The following PTPRM variants were observed in gnomAD, a reference collection of about 807,000 sequenced individuals.
PTPRM encodes the protein protein tyrosine phosphatase receptor type M.
PTPRM carries 47 observed loss-of-function variants against 186.7 expected under a neutral mutation model. That is an observed-to-expected ratio of 0.25 (90% CI 0.20 to 0.32). PTPRM has a LOEUF of 0.32. Among genes scored for constraint, PTPRM ranks in the 10% least tolerant of loss-of-function variants. The probability of loss-of-function intolerance (pLI) is 1.00; values close to 1 mark genes in which losing one functional copy is unlikely to be tolerated. For synonymous variants in PTPRM, 668 were observed against 674.9 expected (o/e 0.99, Z 0.16); for missense variants, 1,494 against 1,865.0 (o/e 0.80, Z 3.66).
chr18:8,069,579 G>C, intron 7 of PTPRM, 107 bp from the exon 8 acceptor site: 4 of 952,880 alleles, frequency 4.2e-6, no homozygotes, highest in Non-Finnish European at 6.2e-6. Context: ...GGAAGAAGAG[G>C]AGACCAGGTG....
chr18:8,077,946 C>T (rs1039768601), intron 9 of PTPRM, among the ~76,000 whole-genome samples: 1 of 152,160 alleles, frequency 6.6e-6, no homozygotes, highest in Non-Finnish European at 1.5e-5. Flanking sequence ...ATTAGTCTCT[C>T]TGATTCTGCA....
chr18:8,004,297 C>A (rs1045558080), intron 7 of PTPRM, among the ~76,000 whole-genome samples: 2 of 152,168 alleles, frequency 1.3e-5, no homozygotes, highest in East Asian at 3.9e-4. Flanking sequence ...TTTTGCAATT[C>A]GTGGATCTAG....
At chr18:7,569,003 G>A (rs1040419975) in intron 1 of PTPRM, among the ~76,000 whole-genome samples, 3 of 152,172 alleles carry the variant, frequency 2.0e-5, no homozygotes, top group African/African-American at 7.2e-5. Flanking sequence ...TAATAAAAAA[G>A]CCTGCTCTTT....
At chr18:7,629,224 G>C (rs2038133014) in intron 1 of PTPRM, among the ~76,000 whole-genome samples, 1 of 152,206 alleles carries the variant, frequency 6.6e-6, no homozygotes, top group Admixed American at 6.5e-5. Flanking sequence ...TCAGGTCAAT[G>C]TAGGGAAGAA....
intron 2 of PTPRM, among the ~76,000 whole-genome samples, chr18:7,780,467 A>G (rs1421871831): frequency 2.6e-5 from 4 of 152,216 alleles, no homozygotes; most frequent in African/African-American, 9.6e-5. Flanking sequence ...ATGAATGTGA[A>G]GGCTGTTGAC....
intron 19 of PTPRM, among the ~76,000 whole-genome samples, chr18:8,266,602 G>A (rs2094703888): frequency 6.6e-6 from 1 of 152,108 alleles, no homozygotes; most frequent in South Asian, 2.1e-4. Context: ...GTACTTTTAT[G>A]TCCATGATTG....
At chr18:8,151,062 G>C (rs2092994940) in intron 14 of PTPRM, among the ~76,000 whole-genome samples, 1 of 152,194 alleles carries the variant, frequency 6.6e-6, no homozygotes, top group Non-Finnish European at 1.5e-5. Context: ...TGAGGTGTCT[G>C]TCGGCCCCTA....
intron 2 of PTPRM, among the ~76,000 whole-genome samples, chr18:7,781,249 A>C (rs1423881319): frequency 6.6e-6 from 1 of 152,200 alleles, no homozygotes; most frequent in Non-Finnish European, 1.5e-5. Context: ...TGGATTAAAA[A>C]GCCCCAAGCT....
At chr18:8,205,584 T>A (rs1339184707) in intron 14 of PTPRM, among the ~76,000 whole-genome samples, 1 of 152,234 alleles carries the variant, frequency 6.6e-6, no homozygotes, top group Non-Finnish European at 1.5e-5. Context: ...ATATTTGGAA[T>A]GATACGTTAT....
At chr18:7,947,171 C>G (rs2052588892) in intron 5 of PTPRM, among the ~76,000 whole-genome samples, 1 of 152,232 alleles carries the variant, frequency 6.6e-6, no homozygotes, top group South Asian at 2.1e-4. Flanking sequence ...CTCTGCCTTT[C>G]TCCTTGAATT....
chr18:8,349,967 T>A (rs1206672237), intron 23 of PTPRM, among the ~76,000 whole-genome samples: 1 of 152,178 alleles, frequency 6.6e-6, no homozygotes, highest in Non-Finnish European at 1.5e-5. Context: ...CCAAAATGGA[T>A]GCCCCATTAT....
intron 7 of PTPRM, among the ~76,000 whole-genome samples, chr18:7,979,330 A>G (rs952272636): frequency 6.6e-6 from 1 of 152,208 alleles, no homozygotes; most frequent in East Asian, 1.9e-4. Flanking sequence ...ACATAAAACT[A>G]TTTGGGATTT....
chr18:7,745,600 AT>A (rs2040969853), intron 1 of PTPRM, among the ~76,000 whole-genome samples: 2 of 152,208 alleles, frequency 1.3e-5, no homozygotes, highest in South Asian at 4.1e-4. Context: ...ACAATTACTG[AT>A]TAGATCAATG....
chr18:7,694,189 C>T (rs1278538227), intron 1 of PTPRM, among the ~76,000 whole-genome samples: 3 of 152,136 alleles, frequency 2.0e-5, no homozygotes, highest in Admixed American at 6.5e-5. Context: ...GTCAACTTCT[C>T]TTAAACTTGA....
intron 32 of PTPRM, among the ~76,000 whole-genome samples, chr18:8,402,586 A>G (rs1018663647): frequency 1.8e-4 from 28 of 152,340 alleles, no homozygotes; most frequent in African/African-American, 5.8e-4. Flanking sequence ...TTTTTTATGC[A>G]GTAAGGGATG....
At chr18:7,885,532 A>G (rs1345174873) in intron 2 of PTPRM, among the ~76,000 whole-genome samples, 1 of 152,168 alleles carries the variant, frequency 6.6e-6, no homozygotes, top group African/African-American at 2.4e-5. Context: ...CCTGCAAAAA[A>G]TTGCACATAA....
At chr18:8,071,324 C>A (rs374080781) in intron 8 of PTPRM, among the ~76,000 whole-genome samples, 12 of 152,244 alleles carry the variant, frequency 7.9e-5, no homozygotes, top group African/African-American at 2.6e-4. Context: ...TTTCTACTTC[C>A]AAAGTTTTAG....
At chr18:8,144,704 T>C (rs2092841189) in intron 14 of PTPRM, among the ~76,000 whole-genome samples, 1 of 152,184 alleles carries the variant, frequency 6.6e-6, no homozygotes, top group African/African-American at 2.4e-5. Context: ...CTCCCATACT[T>C]GAAAACTATG....
intron 9 of PTPRM, among the ~76,000 whole-genome samples, chr18:8,080,489 C>A (rs1376822206): frequency 1.3e-5 from 2 of 152,130 alleles, no homozygotes; most frequent in Non-Finnish European, 2.9e-5. Context: ...GAGTTCCAAA[C>A]TTAGGGACTC....
Sources: gnomAD v4.1 joint callset for allele counts (sites outside exome capture counted in the v4.1 genomes callset) on GRCh38, gnomAD v4.1.1 for gene constraint, MANE v1.5 for transcripts, NCBI Gene and HGNC (gene_info 2026-07-23, HGNC 2026-07-21) for gene names.